CLTRN: variants seen among roughly 807,000 people sequenced by gnomAD.
CLTRN encodes the protein collectrin, amino acid transport regulator, also known as collectrin.
CLTRN carries 12 observed loss-of-function variants against 14.5 expected under a neutral mutation model. That is an observed-to-expected ratio of 0.83 (90% CI 0.53 to 1.34). CLTRN has a LOEUF of 1.34. Ranked by LOEUF, CLTRN falls within the 40% of genes most tolerant of loss-of-function variation. The probability of loss-of-function intolerance (pLI) is 0.00; values close to 1 mark genes in which losing one functional copy is unlikely to be tolerated. For missense variants in CLTRN, 154 were observed against 165.1 expected, an observed-to-expected ratio of 0.93 and a Z score of 0.37; for synonymous variants, 58 against 56.5, an observed-to-expected ratio of 1.03 and a Z score of -0.12.
chrX:15,641,668 G>A (rs1444774780), intron 4 of CLTRN, among the ~76,000 whole-genome samples: 1 of 108,993 alleles, frequency 9.2e-6, no homozygotes, highest in Non-Finnish European at 1.9e-5. Flanking sequence ...GTGTGTGTGT[G>A]TGTGTGTGTA....
At chrX:15,671,713 G>A (rs1690651627) in intron 1 of CLTRN, among the ~76,000 whole-genome samples, 1 of 111,579 alleles carries the variant, frequency 9.0e-6, no homozygotes, top group African/African-American at 3.3e-5. Flanking sequence ...ACGTGCCCAT[G>A]ACTACAAAAA....
chrX:15,657,238 G>C (rs937866802), intron 3 of CLTRN, among the ~76,000 whole-genome samples: 5 of 112,195 alleles, frequency 4.5e-5, no homozygotes, highest in African/African-American at 1.6e-4. Flanking sequence ...GGGCTCAAGT[G>C]ATCTGCCTGC....
At chrX:15,641,024 A>C (rs1277463111) in intron 4 of CLTRN, among the ~76,000 whole-genome samples, 1 of 112,357 alleles carries the variant, frequency 8.9e-6, no homozygotes, top group Non-Finnish European at 1.9e-5. Context: ...AGGAGTTTTT[A>C]GACCAAAGTA....
chrX:15,650,556 G>A (rs949183530), intron 3 of CLTRN, among the ~76,000 whole-genome samples: 10 of 111,729 alleles, frequency 9.0e-5, no homozygotes, highest in African/African-American at 2.9e-4. Flanking sequence ...GACTTCCATC[G>A]TACTAGTTTC....
chrX:15,639,440 A>T (rs1928887370), intron 5 of CLTRN, 122 bp downstream of exon 5: 3 of 633,504 alleles, frequency 4.7e-6, no homozygotes, highest in South Asian at 2.8e-5. Context: ...AAAATCACCA[A>T]TTTTTTCAAA....
chrX:15,671,162 C>T (rs1383814549), intron 1 of CLTRN, among the ~76,000 whole-genome samples: 3 of 111,103 alleles, frequency 2.7e-5, no homozygotes, highest in Non-Finnish European at 5.7e-5. Context: ...AAGTAAATCA[C>T]GATGGCAATA....
chrX:15,656,095 C>T (rs763199661), intron 3 of CLTRN, among the ~76,000 whole-genome samples: 1 of 112,186 alleles, frequency 8.9e-6, no homozygotes, highest in East Asian at 2.8e-4. Context: ...CACCCTCAGC[C>T]TCTCTGATCC....
At chrX:15,661,621 G>A (rs1030013438) in intron 2 of CLTRN, among the ~76,000 whole-genome samples, 1 of 112,536 alleles carries the variant, frequency 8.9e-6, no homozygotes, top group Non-Finnish European at 1.9e-5. Flanking sequence ...CAACTTAAGA[G>A]AGGATAAGGT....
At chrX:15,673,630 TTG>T (rs1929759383) in intron 1 of CLTRN, among the ~76,000 whole-genome samples, 1 of 112,234 alleles carries the variant, frequency 8.9e-6, no homozygotes, top group Non-Finnish European at 1.9e-5. Flanking sequence ...TTGTTGAAAA[TTG>T]TCTTTTACTC....
At chrX:15,629,106 A>G (rs1034937559) in intron 5 of CLTRN, among the ~76,000 whole-genome samples, 1 of 112,010 alleles carries the variant, frequency 8.9e-6, no homozygotes, top group African/African-American at 3.2e-5. Flanking sequence ...GCACCACTCC[A>G]TGGTGACACC....
chrX:15,634,798 G>C (rs1928778273), intron 5 of CLTRN, among the ~76,000 whole-genome samples: 1 of 69,372 alleles, frequency 1.4e-5, no homozygotes. Context: ...TGGGGGGAGG[G>C]GGGAGGGATA....
intron 5 of CLTRN, among the ~76,000 whole-genome samples, chrX:15,634,824 C>T (rs1383883694): frequency 9.7e-6 from 1 of 103,569 alleles, no homozygotes. Flanking sequence ...GGGAGATATA[C>T]CTAATGCTAG....
chrX:15,669,576 A>G (rs1157728422), upstream of CLTRN, among the ~76,000 whole-genome samples: 1 of 112,131 alleles, frequency 8.9e-6, no homozygotes, highest in African/African-American at 3.2e-5. Context: ...TTCTGGGCAC[A>G]TAACTATGGA....
chrX:15,659,604 TTAACTC>T (rs1238068396), intron 2 of CLTRN, among the ~76,000 whole-genome samples: 1 of 111,786 alleles, frequency 8.9e-6, no homozygotes, highest in Non-Finnish European at 1.9e-5. Flanking sequence ...ACCTCAGAAT[TTAACTC>T]TATTTGGAGA....
intron 3 of CLTRN, among the ~76,000 whole-genome samples, chrX:15,652,261 C>T (rs981925116): frequency 8.9e-6 from 1 of 111,744 alleles, no homozygotes; most frequent in Non-Finnish European, 1.9e-5. Context: ...TTTTAAAGCA[C>T]GTTTTGATGT....
At chrX:15,655,518 G>A (rs1929334409) in intron 3 of CLTRN, among the ~76,000 whole-genome samples, 1 of 112,157 alleles carries the variant, frequency 8.9e-6, no homozygotes, top group Admixed American at 9.4e-5. Flanking sequence ...TCTCACTTAG[G>A]GACATGGGCC....
At chrX:15,660,339 G>T (rs1929476249) in intron 2 of CLTRN, among the ~76,000 whole-genome samples, 1 of 111,067 alleles carries the variant, frequency 9.0e-6, no homozygotes, top group South Asian at 3.8e-4. Context: ...GAAGGGAGGA[G>T]GGATGGGGTC....
intron 5 of CLTRN, among the ~76,000 whole-genome samples, chrX:15,631,329 A>G (rs1515009): frequency 0.28 from 31,432 of 111,327 alleles, 3,597 homozygotes; most frequent in East Asian, 0.52. Flanking sequence ...TAAGTATGAA[A>G]CCTGTATTAC....
chrX:15,657,896 T>C (rs925434753), intron 3 of CLTRN, among the ~76,000 whole-genome samples: 1 of 112,071 alleles, frequency 8.9e-6, no homozygotes, highest in African/African-American at 3.2e-5. Flanking sequence ...CAAATGTATA[T>C]GTGTTCATTT....
Sources: gnomAD v4.1 joint callset for allele counts (sites outside exome capture counted in the v4.1 genomes callset) on GRCh38, gnomAD v4.1.1 for gene constraint, MANE v1.5 for transcripts, NCBI Gene and HGNC (gene_info 2026-07-23, HGNC 2026-07-21) for gene names.